The following ALOX5 variants were observed in gnomAD, a reference collection of about 807,000 sequenced individuals.
ALOX5 encodes polyunsaturated fatty acid 5-lipoxygenase.
ALOX5 carries 64 observed loss-of-function variants against 87.9 expected under a neutral mutation model. The ratio of observed to expected loss-of-function variants is 0.73; its 90% CI spans 0.60 to 0.90. The LOEUF is 0.90. Among genes scored for constraint, ALOX5 ranks in the 40% least tolerant of loss-of-function variants. The pLI is 0.00. For missense variants in ALOX5, 822 were observed against 907.5 expected, an observed-to-expected ratio of 0.91 and a Z score of 1.21; for synonymous variants, 388 against 355.1, an observed-to-expected ratio of 1.09 and a Z score of -1.04.
At position 45,374,434 on chromosome 10, in the gene ALOX5, G is replaced by C; in HGVS notation, c.150+5G>C. On this transcript the variant is annotated splice_donor_5th_base_variant and intron_variant, in intron 1 of 13. Coordinates refer to ENST00000374391, the MANE Select transcript of ALOX5 (RefSeq NM_000698.5). ...AACGACTTCGAGCGTGGCGCGGTGA[G>C]CGCGGGCGGGGCACGGGTGGAGCGC... 6.5e-7 allele frequency: 1 copy of C among 1,548,680 alleles called. No individual in the cohort carries two copies. Among genetic ancestry groups the C allele is most frequent in the Admixed American group, 2.0e-5 (1 of 48,808 alleles).
chr10:45,392,392 T>G (rs925753873), intron 2 of ALOX5, among the ~76,000 whole-genome samples: 2 of 151,824 alleles, frequency 1.3e-5, no homozygotes, highest in African/African-American at 4.9e-5. Context: ...GGGATCCTGT[T>G]GATCTATGAC....
intron 7 of ALOX5, among the ~76,000 whole-genome samples, chr10:45,432,092 T>C (rs1053591628): frequency 1.3e-5 from 2 of 150,518 alleles, no homozygotes; most frequent in African/African-American, 4.9e-5. Context: ...ATTGAAAGAT[T>C]CATATGGAAA....
At position 45,425,783 on chromosome 10, in the gene ALOX5, G is replaced by C. The variant is rs1433541634; in HGVS notation, c.834+651G>C. Among the ~76,000 whole-genome samples, 1 of 152,234 alleles carries C rather than the reference G, an allele frequency of 6.6e-6. No individual in the cohort carries two copies. Among genetic ancestry groups the C allele is most frequent in the Non-Finnish European group, 1.5e-5 (1 of 68,046 alleles). On this transcript the variant is annotated intron_variant, in intron 6 of 13. Transcript: ENST00000374391. The surrounding 1 kb of genome is among the most constrained non-coding windows in gnomAD (Gnocchi z 4.4). Reference sequence around the variant, plus strand: ...CCTGCCTCTTCCCCATGGATCCAGCGTGATGGGGCCTCCTGCCACCCAGGC... The same window carrying C: ...CCTGCCTCTTCCCCATGGATCCAGCCTGATGGGGCCTCCTGCCACCCAGGC...
intron 4 of ALOX5, among the ~76,000 whole-genome samples, chr10:45,413,245 T>G (rs945335770): frequency 2.0e-4 from 30 of 152,174 alleles, no homozygotes; most frequent in African/African-American, 7.2e-4. Context: ...TTATCCACCA[T>G]GATCAAGTGG....
At chr10:45,389,944 A>C (rs1308415331) in intron 2 of ALOX5, among the ~76,000 whole-genome samples, 1 of 152,242 alleles carries the variant, frequency 6.6e-6, no homozygotes, top group Non-Finnish European at 1.5e-5. Context: ...GTATTCAGGA[A>C]ACCCATCTCA....
intron 7 of ALOX5, among the ~76,000 whole-genome samples, chr10:45,434,277 C>T (rs147408838): frequency 6.6e-6 from 1 of 152,318 alleles, no homozygotes; most frequent in East Asian, 1.9e-4. Flanking sequence ...GTCTGAGGAA[C>T]AGTAGGGCAG....
At chr10:45,414,794 C>T (rs1445432966) in intron 4 of ALOX5, among the ~76,000 whole-genome samples, 1 of 152,180 alleles carries the variant, frequency 6.6e-6, no homozygotes, top group Non-Finnish European at 1.5e-5. Flanking sequence ...AGACACTTCT[C>T]AAAAGAAGAC....
At chr10:45,423,937 G>T in intron 4 of ALOX5, 104 bp from the exon 5 acceptor site, 1 of 859,940 alleles carries the variant, frequency 1.2e-6, no homozygotes. Context: ...GAGCTGCCTG[G>T]AGGGGGCGGG....
chr10:45,407,096 C>G (rs1840911935), intron 3 of ALOX5, among the ~76,000 whole-genome samples: 1 of 152,046 alleles, frequency 6.6e-6, no homozygotes, highest in Admixed American at 6.6e-5. Flanking sequence ...GTCGTCCTGT[C>G]CCCCTACCCA....
chr10:45,444,531 C>T, intron 13 of ALOX5: 1 of 467,138 alleles, frequency 2.1e-6, no homozygotes, highest in South Asian at 4.9e-5. Context: ...ACCAGAGGGT[C>T]GTGTGTGACG....
At chr10:45,396,511 G>A (rs193221623) in intron 3 of ALOX5, among the ~76,000 whole-genome samples, 85 of 152,196 alleles carry the variant, frequency 5.6e-4, no homozygotes, top group Middle Eastern at 3.4e-3. Context: ...CTAGAAAGAC[G>A]CAAACTGCCA....
At chr10:45,408,868 C>G (rs1034089632) in intron 3 of ALOX5, among the ~76,000 whole-genome samples, 1 of 152,174 alleles carries the variant, frequency 6.6e-6, no homozygotes, top group African/African-American at 2.4e-5. Flanking sequence ...TTCTATTTTG[C>G]ACAAAGCACT....
chr10:45,444,409 G>A (rs1203668182), intron 13 of ALOX5, 123 bp downstream of exon 13: 2 of 1,335,324 alleles, frequency 1.5e-6, no homozygotes, highest in East Asian at 2.6e-5. Context: ...GACTTCCAAG[G>A]CTGGAAGGGC....
At chr10:45,405,593 T>A (rs79245105) in intron 3 of ALOX5, among the ~76,000 whole-genome samples, 3,442 of 152,340 alleles carry the variant, frequency 0.023, 128 homozygotes, top group African/African-American at 0.078. Context: ...TTATTAACTA[T>A]GTATTGTTTA....
intron 4 of ALOX5, among the ~76,000 whole-genome samples, chr10:45,419,170 G>C (rs1198495906): frequency 6.6e-6 from 1 of 152,258 alleles, no homozygotes; most frequent in African/African-American, 2.4e-5. Context: ...AGCCGTGACT[G>C]TCAGGCCGCG....
chr10:45,435,262 G>GT (rs57303416), intron 7 of ALOX5, among the ~76,000 whole-genome samples: 27,296 of 145,808 alleles, frequency 0.19, 2,648 homozygotes, highest in African/African-American at 0.24. Flanking sequence ...GGTCAGAACA[G>GT]TTTTTTTTTT....
chr10:45,410,583 G>A (rs1841031964), intron 3 of ALOX5, among the ~76,000 whole-genome samples: 1 of 152,130 alleles, frequency 6.6e-6, no homozygotes. Context: ...GGGATTTGGG[G>A]AAAGTCAAAG....
chr10:45,381,159 C>T (rs11239497), intron 1 of ALOX5, among the ~76,000 whole-genome samples: 24,234 of 152,246 alleles, frequency 0.16, 2,019 homozygotes, highest in South Asian at 0.19. Context: ...GCCAAGCAGC[C>T]TTGTCCCAGA....
At chr10:45,376,290 T>C (rs1456256764) in intron 1 of ALOX5, among the ~76,000 whole-genome samples, 2 of 122,020 alleles carry the variant, frequency 1.6e-5, no homozygotes, top group African/African-American at 6.2e-5. Flanking sequence ...GATTTGCATG[T>C]CACATTTCCA....
Sources: allele counts gnomAD v4.1 joint callset (sites outside exome capture counted in the v4.1 genomes callset), GRCh38; gene constraint gnomAD v4.1.1; non-coding constraint Gnocchi (gnomAD v3.1); transcripts MANE v1.5; gene names NCBI Gene and HGNC (gene_info 2026-07-23, HGNC 2026-07-21).